The following DTX2 variants were observed in gnomAD, a reference collection of about 807,000 sequenced individuals.
DTX2 encodes the protein probable E3 ubiquitin-protein ligase DTX2.
A neutral mutation model predicts 55.3 loss-of-function variants in DTX2; 29 were observed. That is an observed-to-expected ratio of 0.52 (90% CI 0.39 to 0.71). The LOEUF (loss-of-function observed/expected upper bound fraction) is 0.71. Ranked by LOEUF, DTX2 falls within the 30% of genes least tolerant of loss-of-function variation. The pLI, the probability that DTX2 is intolerant of heterozygous loss-of-function variation, is 0.00. For missense variants in DTX2, 537 were observed against 822.5 expected, an observed-to-expected ratio of 0.65 and a Z score of 4.25; for synonymous variants, 276 against 340.4, an observed-to-expected ratio of 0.81 and a Z score of 2.08.
rs1215127738 is a variant in DTX2, at chr7:76,469,164, C to G, written c.-90+5455C>G. Among the ~76,000 whole-genome samples the G allele has an allele frequency of 4.0e-5, 6 of 150,652 alleles. No homozygotes were observed. In the East Asian group the frequency reaches 9.8e-4, roughly 25 times the overall value. ...TTGTGGTCTAGTGGCAGAGTCACTG[C>G]AAAGACTTTTTCTGTCCTTTACAGG... is the stretch of plus-strand genomic sequence containing the variant. On this transcript the variant is annotated intron_variant, in intron 2 of 10. Coordinates refer to ENST00000430490, the MANE Select transcript of DTX2 (RefSeq NM_001102594.3).
chr7:76,481,119 G>A (rs545218718), intron 3 of DTX2, among the ~76,000 whole-genome samples: 2 of 152,338 alleles, frequency 1.3e-5, no homozygotes, highest in South Asian at 2.1e-4. Flanking sequence ...GTGGCTGTGT[G>A]CCCTGGGCAG....
intron 2 of DTX2, among the ~76,000 whole-genome samples, chr7:76,479,609 G>A (rs1181790207): frequency 5.6e-5 from 6 of 106,742 alleles, no homozygotes; most frequent in Non-Finnish European, 7.7e-5. Context: ...GTGAAACCCC[G>A]TCTCTACTAA....
At chr7:76,484,572 G>C (rs1181513059) in intron 4 of DTX2, among the ~76,000 whole-genome samples, 2 of 121,752 alleles carry the variant, frequency 1.6e-5, no homozygotes, top group African/African-American at 3.0e-5. Context: ...GAGTGGGTGG[G>C]CCTGGGGCCA....
chr7:76,501,888 C>CT (rs1259097270), intron 7 of DTX2: 1,217 of 149,408 alleles, frequency 8.1e-3, no homozygotes, highest in Middle Eastern at 0.013. Flanking sequence ...GTGGAATGGA[C>CT]TTTTTTTTTT....
chr7:76,491,357 C>T (rs1218901558), intron 4 of DTX2, among the ~76,000 whole-genome samples: 28 of 135,648 alleles, frequency 2.1e-4, no homozygotes, highest in Admixed American at 1.6e-3. Flanking sequence ...TGCAGTGGCA[C>T]GGTCTCAGCA....
intron 8 of DTX2, chr7:76,503,095 GGCCCAGCTCCGCA>G: frequency 2.8e-6 from 1 of 354,212 alleles, no homozygotes; most frequent in Non-Finnish European, 5.1e-6. Context: ...GGGCAGCCAG[GGCCCAGCTCCGCA>G]GATCAGACGC....
intron 4 of DTX2, among the ~76,000 whole-genome samples, chr7:76,488,711 T>C (rs1204024037): frequency 6.6e-5 from 5 of 76,182 alleles, no homozygotes; most frequent in African/African-American, 6.5e-5. Flanking sequence ...GCCTGGCCAA[T>C]ATGGTGAAAC....
chr7:76,477,166 G>A (rs1404978664), intron 2 of DTX2: 1 of 124,690 alleles, frequency 8.0e-6, no homozygotes, highest in Non-Finnish European at 1.6e-5. Context: ...CCGCCCGCCC[G>A]AGGGCACTCC....
intron 4 of DTX2, among the ~76,000 whole-genome samples, chr7:76,489,788 A>G (rs1344973338): frequency 8.1e-6 from 1 of 123,364 alleles, no homozygotes; most frequent in Non-Finnish European, 1.8e-5. Context: ...ATGCCACTGC[A>G]CTCCAGCCTG....
chr7:76,464,298 G>A (rs549150958), intron 2 of DTX2, among the ~76,000 whole-genome samples: 1 of 150,572 alleles, frequency 6.6e-6, no homozygotes, highest in East Asian at 2.0e-4. Context: ...GGACACAGCT[G>A]GGCTACTGTA....
At chr7:76,487,048 CTTTGTTT>C (rs1452627285) in intron 4 of DTX2, among the ~76,000 whole-genome samples, 3 of 90,716 alleles carry the variant, frequency 3.3e-5, no homozygotes, top group African/African-American at 4.3e-5. Flanking sequence ...TTTTCTTTTT[CTTTGTTT>C]TTTGTTTTGT....
chr7:76,505,578 G>A lies in DTX2; in HGVS notation c.1846G>A (p.Glu616Lys), dbSNP rs749904794. Residue 616 changes from glutamate to lysine, a missense_variant, in exon 11 of 11, where the codon GAG becomes AAG. Physicochemically the swap from Glu to Lys is moderately conservative, Grantham distance 56. Coordinates refer to ENST00000430490, the MANE Select transcript of DTX2 (RefSeq NM_001102594.3). This position sits in a 1 kb window ranked among gnomAD's most constrained non-coding sequence, Gnocchi z 4.4. ...TGAGCTGGCTGCCCAGGGGGTGACC[G>A]AGGACTGCCTGGAGCAGCAGTGACC... is the stretch of plus-strand genomic sequence containing the variant. ...LAELAAQGVTEDCLEQQ is the reference protein window; with the variant it reads ...LAELAAQGVTKDCLEQQ The A allele has an allele frequency of 1.0e-5, 16 of 1,582,418 alleles. No individual in the cohort carries two copies. Among genetic ancestry groups the A allele is most frequent in the Admixed American group, 8.9e-5 (5 of 56,492 alleles).
At chr7:76,502,536 C>T in intron 8 of DTX2, 80 bp downstream of exon 8, 1 of 1,481,520 alleles carries the variant, frequency 6.7e-7, no homozygotes, top group Non-Finnish European at 9.1e-7. Flanking sequence ...CGGGAGGGTT[C>T]CGGGGGTGGC....
rs1302621310 is a variant in DTX2, at chr7:76,488,203, G to A, written c.909-3950G>A. ...AGGGTGAGCGCCCACTGGAAGCCTC[G>A]CTGTGCTTCTGCTTTCTCCTGTAGT... is the stretch of plus-strand genomic sequence containing the variant. On this transcript the variant is annotated intron_variant, in intron 4 of 10. Coordinates refer to ENST00000430490, the MANE Select transcript of DTX2 (RefSeq NM_001102594.3). 4.7e-5 allele frequency among the ~76,000 whole-genome samples: 4 copies of A among 84,792 alleles called. 1 individual carries two copies. The highest frequency in any genetic ancestry group is 1.7e-4 in the African/African-American group (3 of 17,462). The allele number at this position is 84,792 out of a possible 152,430, so 55.6% of individuals were successfully genotyped here. A position where few individuals can be genotyped will look rare whatever the true frequency, so the allele number is the denominator to read the frequency against.
chr7:76,483,244 C>G (rs1809525438), intron 4 of DTX2, 97 bp downstream of exon 4: 11 of 1,406,104 alleles, frequency 7.8e-6, no homozygotes, highest in South Asian at 7.1e-5. Flanking sequence ...CTCCTGCCCC[C>G]TAGGTGGTCC....
chr7:76,494,780 A>G lies in DTX2; in HGVS notation c.1009+2527A>G, dbSNP rs1268350940. 7.1e-5 allele frequency among the ~76,000 whole-genome samples: 9 copies of G among 127,416 alleles called. 1 individual carries two copies. Among genetic ancestry groups the G allele is most frequent in the Middle Eastern group, 4.5e-3 (1 of 224 alleles). The allele number at this position is 127,416 out of a possible 152,430, so 83.6% of individuals were successfully genotyped here. A position where few individuals can be genotyped will look rare whatever the true frequency, so the allele number is the denominator to read the frequency against. ...GCTGTGTAGACTCCTGCCTCCCCCAATTCAAGGCCCAGTGTTGGTACCTAC... is the reference window on the plus strand; with the variant it reads ...GCTGTGTAGACTCCTGCCTCCCCCAGTTCAAGGCCCAGTGTTGGTACCTAC... On this transcript the variant is annotated intron_variant, in intron 5 of 10. Transcript: ENST00000430490.
At chr7:76,463,315 CA>C (rs1489242301) in intron 1 of DTX2, 1 of 151,780 alleles carries the variant, frequency 6.6e-6, no homozygotes, top group Non-Finnish European at 1.5e-5. Context: ...AAAAAGAGCT[CA>C]GGGTTTTTTT....
At chr7:76,498,857 G>C (rs1415835276) in intron 6 of DTX2, among the ~76,000 whole-genome samples, 23 of 120,968 alleles carry the variant, frequency 1.9e-4, no homozygotes, top group African/African-American at 8.2e-4. Flanking sequence ...GTGTGTGGAG[G>C]TGAGGGTGTG....
chr7:76,502,531 G>A, intron 8 of DTX2, 75 bp downstream of exon 8: 1 of 1,494,110 alleles, frequency 6.7e-7, no homozygotes, highest in African/African-American at 1.4e-5. Context: ...AGGGGCGGGA[G>A]GGTTCCGGGG....
Sources: allele counts gnomAD v4.1 joint callset (sites outside exome capture counted in the v4.1 genomes callset), GRCh38; gene constraint gnomAD v4.1.1; non-coding constraint Gnocchi (gnomAD v3.1); transcripts MANE v1.5; gene names NCBI Gene and HGNC (gene_info 2026-07-23, HGNC 2026-07-21).